The following ABCC10 variants were observed in gnomAD, a reference collection of about 807,000 sequenced individuals.
ABCC10 encodes the protein ATP binding cassette subfamily C member 10.
Under a neutral mutation model 143.2 loss-of-function variants are expected in ABCC10, and 110 were observed. The ratio of observed to expected loss-of-function variants is 0.77; its 90% confidence interval spans 0.66 to 0.90. The LOEUF (loss-of-function observed/expected upper bound fraction) is 0.90, where lower values mean the gene tolerates loss of function less well. Ranked by LOEUF, ABCC10 falls within the 40% of genes least tolerant of loss-of-function variation. ABCC10 has a pLI of 0.00. For missense variants in ABCC10, 1,700 were observed against 1,900.5 expected, an observed-to-expected ratio of 0.89 and a Z score of 1.96; for synonymous variants, 805 against 846.7, an observed-to-expected ratio of 0.95 and a Z score of 0.85.
rs1311625598 is a variant in ABCC10 at position 43,432,880 on chromosome 6, C to T, written c.900C>T (p.Phe300=). Residue 300 remains phenylalanine (F), a synonymous_variant, in exon 3 of 22, where the codon TTC becomes TTT. Transcript: ENST00000372530. The part of the protein sequence containing the change: ...LLKLVGTMLG[F]SGPLLLSLLV... Reference sequence around the variant, plus strand: ...AGCTGGTGGGGACCATGTTGGGATTCTCAGGGCCCCTGTTGCTCTCCCTAC... The same window carrying T: ...AGCTGGTGGGGACCATGTTGGGATTTTCAGGGCCCCTGTTGCTCTCCCTAC... 2 of 1,614,020 alleles carry T rather than the reference C, an allele frequency of 1.2e-6. No individual in the cohort carries two copies. The highest frequency in any genetic ancestry group is 2.7e-5 in the African/African-American group (2 of 74,910).
intron 6 of ABCC10, among the ~76,000 whole-genome samples, chr6:43,436,930 A>G (rs1781788130): frequency 6.6e-6 from 1 of 152,198 alleles, no homozygotes; most frequent in Non-Finnish European, 1.5e-5. Context: ...GAATTTTGCT[A>G]ATGTGTTAGT....
chr6:43,435,665 C>A, intron 4 of ABCC10, 86 bp from the exon 5 acceptor site: 1 of 1,469,930 alleles, frequency 6.8e-7, no homozygotes, highest in South Asian at 1.4e-5. Context: ...CCAGTTCTTC[C>A]CTCCGTAGAC....
rs906054987 is a variant in ABCC10, at chr6:43,432,181, C to G, written c.201C>G (p.Arg67=). Reference sequence around the variant, plus strand: ...TCCTACCCTGCAGTCCTGGATGGCGCCTCCGACTTGCAGCTTCCTTCCTGC... The same window carrying G: ...TCCTACCCTGCAGTCCTGGATGGCGGCTCCGACTTGCAGCTTCCTTCCTGC... ...DYILPCSPGW[R]LRLAASFLLS... Residue 67 remains arginine, a synonymous_variant, in exon 3 of 22, where the codon CGC becomes CGG. Transcript: ENST00000372530. 31 of 1,614,102 alleles carry G rather than the reference C, an allele frequency of 1.9e-5. No individual in the cohort carries two copies. Among genetic ancestry groups the G allele is most frequent in the African/African-American group, 5.3e-5 (4 of 74,938 alleles).
chr6:43,444,379 A>G, intron 12 of ABCC10, 26 bp downstream of exon 12: 1 of 1,575,426 alleles, frequency 6.3e-7, no homozygotes, highest in Non-Finnish European at 8.6e-7. Context: ...GGAGTCTCTT[A>G]CATCGTAACG....
chr6:43,432,273 T>C lies in ABCC10; in HGVS notation c.293T>C (p.Ile98Thr), dbSNP rs188446267. The stretch of plus-strand genomic sequence containing the variant: ...CCACCAGGGGCAGGCCCAGGACCCA[T>C]AGGGCTAGAGGTGTTGGCAGGGTGC... Reference protein sequence around the residue: ...ALPPGAGPGPIGLEVLAGCVA... With the variant: ...ALPPGAGPGPTGLEVLAGCVA... Residue 98 changes from isoleucine to threonine, a missense_variant, in exon 3 of 22, where the codon ATA becomes ACA. Physicochemically the swap from Ile to Thr is moderately conservative, Grantham distance 89. Transcript: ENST00000372530. The C allele has an allele frequency of 4.1e-5, 66 of 1,614,206 alleles. No individual in the cohort carries two copies. Among genetic ancestry groups the C allele is most frequent in the Non-Finnish European group, 5.3e-5 (62 of 1,180,022 alleles).
At chr6:43,448,236 G>A (rs1783338502) in intron 18 of ABCC10, 1 of 494,980 alleles carries the variant, frequency 2.0e-6, no homozygotes, top group East Asian at 4.3e-5. Context: ...GATCCCCTGA[G>A]TCCTAGGCTC....
In ABCC10 at chr6:43,449,919, C is replaced by CACTA. The variant is rs1329474947; in HGVS notation, c.4317-10_4317-9insACTA. The CACTA allele has an allele frequency of 1.9e-6, 3 of 1,613,816 alleles. No homozygotes were observed. In the African/African-American group the frequency reaches 4.0e-5, roughly 22 times the overall value. On this transcript the variant is annotated splice_polypyrimidine_tract_variant and intron_variant, in intron 21 of 21. Transcript: ENST00000372530. ...CTCATCCCCTACACTGACCATCTTC[C>CACTA]CCCTCACAGGCTCAACACGATCCTG...
At chr6:43,428,218 C>T in intron 2 of ABCC10, 79 bp downstream of exon 2, 3 of 1,406,586 alleles carry the variant, frequency 2.1e-6, no homozygotes, top group Non-Finnish European at 2.8e-6. Flanking sequence ...CCGGCAGTGT[C>T]ACCAGAATAG....
chr6:43,450,804 C>T (rs200707852), downstream of ABCC10: 139 of 1,614,088 alleles, frequency 8.6e-5, 1 homozygote, highest in Middle Eastern at 4.9e-4. The surrounding 1 kb of genome is among the most constrained non-coding windows in gnomAD (Gnocchi z 4.5). Context: ...CTCTTGCCTC[C>T]GCACCACCTC....
rs769049569 is a variant in ABCC10, at chr6:43,447,263, C to T, written c.3560C>T (p.Ser1187Leu). ...TCTCCCCCAGGGCTGGTGGGCTTGT[C>T]GCTGTCTTATGCCCTGTCCCTGACG... is the stretch of plus-strand genomic sequence containing the variant. ...GLANPGLVGL[S>L]LSYALSLTGL... Residue 1187 changes from serine to leucine, a missense_variant, in exon 17 of 22, where the codon TCG becomes TTG. Coordinates refer to ENST00000372530, the MANE Select transcript of ABCC10 (RefSeq NM_001198934.2). The T allele has an allele frequency of 5.6e-6, 9 of 1,613,396 alleles. No homozygotes were observed. The highest frequency in any genetic ancestry group is 1.7e-4 in the Middle Eastern group (1 of 6,060).
intron 3 of ABCC10, 52 bp downstream of exon 3, chr6:43,433,412 G>C: frequency 1.3e-6 from 2 of 1,529,586 alleles, no homozygotes. Flanking sequence ...ACCCAGCCCA[G>C]GTCCCCAGGT....
At chr6:43,449,625 C>T (rs1401118367) in intron 21 of ABCC10, 91 bp downstream of exon 21, 3 of 1,034,768 alleles carry the variant, frequency 2.9e-6, no homozygotes, top group Non-Finnish European at 4.3e-6. Flanking sequence ...GTGGTCAGGG[C>T]CTTAGAGATC....
chr6:43,429,372 T>TG (rs1554200963), intron 2 of ABCC10, among the ~76,000 whole-genome samples: 3,357 of 98,184 alleles, frequency 0.034, 222 homozygotes, highest in Admixed American at 0.046. Context: ...CTTTTCTTTC[T>TG]TGTGTGTGTG....
At chr6:43,438,557 C>A (rs967136095) in intron 7 of ABCC10, 67 bp from the exon 8 acceptor site, 11 of 1,571,244 alleles carry the variant, frequency 7.0e-6, no homozygotes, top group Non-Finnish European at 9.5e-6. Flanking sequence ...TTCTAGGAGT[C>A]AAGGGCTGGG....
At position 43,445,945 on chromosome 6, in the gene ABCC10, G is replaced by A; in HGVS notation, c.3374+3G>A. The A allele has an allele frequency of 6.2e-7, 1 of 1,608,384 alleles. No homozygotes were observed. The highest frequency in any genetic ancestry group is 1.1e-5 in the South Asian group (1 of 90,842). ...CGGGCCACAGGGGCCACCTACAGGT[G>A]TGTGAACCAGAGCCCAGGGGGATGA... On this transcript the variant is annotated splice_donor_region_variant and intron_variant, in intron 15 of 21. Transcript: ENST00000372530.
chr6:43,449,817 C>T lies in ABCC10; in HGVS notation c.4317-112C>T, dbSNP rs1183490585. 13 of 1,305,488 alleles carry T rather than the reference C, an allele frequency of 1.0e-5. No individual in the cohort carries two copies. The Admixed American group carries it at 1.9e-4, about 19-fold the overall frequency. The allele number at this position is 1,305,488 out of a possible 1,614,324, so 80.9% of individuals were successfully genotyped here. ...CCCAGCACCAAGCCAGGGGCTAAAG[C>T]CTGTGGGGACAGACCTGTGGTGTCC... is the stretch of plus-strand genomic sequence containing the variant. On this transcript the variant is annotated intron_variant, in intron 21 of 21. Coordinates refer to ENST00000372530, the MANE Select transcript of ABCC10 (RefSeq NM_001198934.2).
In ABCC10 at chr6:43,434,651, G is replaced by A. The variant is rs1781492118; in HGVS notation, c.1411G>A (p.Val471Ile). The A allele has an allele frequency of 6.2e-7, 1 of 1,614,074 alleles. No individual in the cohort carries two copies. The highest frequency in any genetic ancestry group is 1.3e-5 in the African/African-American group (1 of 75,032). The change falls in exon 4 of 22, where the codon GTC (valine) becomes ATC (isoleucine). Residue 471 changes from valine to isoleucine, a missense_variant. Val to Ile is a conservative substitution (Grantham distance 29, BLOSUM62 3). Transcript: ENST00000372530. Reference sequence around the variant, plus strand: ...GACAGAGCTGCTGAGTGGCATTCGGGTCATCAAGTTCTGCGGGTGGGAGCA... The same window carrying A: ...GACAGAGCTGCTGAGTGGCATTCGGATCATCAAGTTCTGCGGGTGGGAGCA... ...LVTELLSGIRVIKFCGWEQAL... is the reference protein window; with the variant it reads ...LVTELLSGIRIIKFCGWEQAL...
In ABCC10 at chr6:43,444,953, C is replaced by T; in HGVS notation, c.2840+15C>T. On this transcript the variant is annotated intron_variant, in intron 13 of 21. Transcript: ENST00000372530. The stretch of plus-strand genomic sequence containing the variant: ...GGAAACCTCTAGTGAGTGGCTGGGG[C>T]TGGGGGTAGGCCTGGTGCTCTCAGA... 1 of 1,604,768 alleles carries T rather than the reference C, an allele frequency of 6.2e-7. No homozygotes were observed. Among genetic ancestry groups the T allele is most frequent in the Non-Finnish European group, 8.5e-7 (1 of 1,175,250 alleles).
intron 15 of ABCC10, 21 bp from the exon 16 acceptor site, chr6:43,446,256 C>T (rs1783057699): frequency 1.4e-5 from 23 of 1,605,370 alleles, no homozygotes; most frequent in Non-Finnish European, 1.9e-5. Context: ...AGTGGCTTCA[C>T]ATCCCTCTGG....
Sources: allele counts gnomAD v4.1 joint callset (sites outside exome capture counted in the v4.1 genomes callset), GRCh38; gene constraint gnomAD v4.1.1; non-coding constraint Gnocchi (gnomAD v3.1); transcripts MANE v1.5; gene names NCBI Gene and HGNC (gene_info 2026-07-23, HGNC 2026-07-21).